Variants in NPIPB2 observed in about 807,000 individuals in gnomAD.
The protein encoded by NPIPB2 is nuclear pore complex-interacting protein family member B2.
NPIPB2 carries 27 observed loss-of-function variants against 30.8 expected under a neutral mutation model. The ratio of observed to expected loss-of-function variants is 0.88; its 90% CI spans 0.65 to 1.21. The LOEUF is 1.21. Ranked by LOEUF, NPIPB2 falls within the 50% of genes most tolerant of loss-of-function variation. The pLI is 0.00. For synonymous variants in NPIPB2, 147 were observed against 162.0 expected (o/e 0.91, Z 0.70); for missense variants, 440 against 446.2 (o/e 0.99, Z 0.13).
intron 1 of NPIPB2, among the ~76,000 whole-genome samples, chr16:11,960,401 C>G (rs1319065375): frequency 1.4e-5 from 2 of 146,078 alleles, no homozygotes; most frequent in East Asian, 2.0e-4. Flanking sequence ...GTCGCCCACG[C>G]TGGAGTGTGC....
chr16:11,966,338 A>T (rs764572619), intron 1 of NPIPB2: 1 of 1,610,944 alleles, frequency 6.2e-7, no homozygotes, highest in Non-Finnish European at 8.5e-7. Flanking sequence ...GTTTAAAAAC[A>T]CAGGTTGGTT....
At chr16:11,952,273 G>C (rs912921767) in intron 1 of NPIPB2, among the ~76,000 whole-genome samples, 3 of 151,762 alleles carry the variant, frequency 2.0e-5, no homozygotes, top group African/African-American at 7.3e-5. Flanking sequence ...GTGTGAACCG[G>C]GGAGGTGGAG....
intron 4 of NPIPB2, among the ~76,000 whole-genome samples, chr16:11,931,867 G>A (rs940229993): frequency 1.3e-5 from 2 of 152,152 alleles, no homozygotes; most frequent in Admixed American, 1.3e-4. Flanking sequence ...GGAAACCCAG[G>A]ACGAAAGTCA....
At chr16:11,967,044 A>G in intron 1 of NPIPB2, 1 of 209,012 alleles carries the variant, frequency 4.8e-6, no homozygotes, top group Non-Finnish European at 9.8e-6. Flanking sequence ...TCTGTGGCCC[A>G]GGCTGGAGTG....
intron 1 of NPIPB2, among the ~76,000 whole-genome samples, chr16:11,938,834 C>T (rs1160116903): frequency 4.9e-4 from 75 of 152,102 alleles, no homozygotes; most frequent in African/African-American, 1.7e-3. Context: ...CTGCAACCTC[C>T]GCCTCCCGGG....
At chr16:11,942,820 A>G (rs1178057933), upstream of NPIPB2, among the ~76,000 whole-genome samples, 1 of 151,830 alleles carries the variant, frequency 6.6e-6, no homozygotes, top group Non-Finnish European at 1.5e-5. Context: ...CCTCAGCTAA[A>G]CTTCCCACAG....
chr16:11,965,175 A>T lies in NPIPB2; in HGVS notation c.-584+11393T>A, dbSNP rs3743591. 240 of 904,978 alleles carry T rather than the reference A, an allele frequency of 2.7e-4. 1 individual carries two copies. The highest frequency in any genetic ancestry group is 4.5e-4 in the South Asian group (27 of 60,570). The allele number at this position is 904,978 out of a possible 1,614,324, so 56.1% of individuals were successfully genotyped here. ...CCTTAGCTGCCGCGAAGACACAGAC[A>T]GCCCCCGTAAGAACCCACGAAGCAG... On this transcript the variant is annotated intron_variant, in intron 1 of 5. Transcript: ENST00000538896.
At chr16:11,938,017 C>A (rs1027158546) in intron 1 of NPIPB2, among the ~76,000 whole-genome samples, 3 of 152,140 alleles carry the variant, frequency 2.0e-5, no homozygotes, top group Admixed American at 1.3e-4. Flanking sequence ...CTAAAAAAAA[C>A]CTCTTTTTGT....
chr16:11,971,289 C>A (rs1259772933), intron 1 of NPIPB2, among the ~76,000 whole-genome samples: 1 of 152,100 alleles, frequency 6.6e-6, no homozygotes, highest in Non-Finnish European at 1.5e-5. Flanking sequence ...ATGACACAGC[C>A]CTCAGGAGAT....
At chr16:11,950,811 C>T (rs1043847885) in intron 1 of NPIPB2, among the ~76,000 whole-genome samples, 1 of 152,048 alleles carries the variant, frequency 6.6e-6, no homozygotes, top group African/African-American at 2.4e-5. Flanking sequence ...AACAAAAGTT[C>T]TCTTTCTTCG....
At chr16:11,948,892 C>G (rs556853765) in intron 1 of NPIPB2, among the ~76,000 whole-genome samples, 2 of 151,412 alleles carry the variant, frequency 1.3e-5, no homozygotes, top group Admixed American at 1.3e-4. Context: ...AATCCTAGCA[C>G]TTCGGGAGGC....
At chr16:11,969,168 C>T (rs549916344) in intron 1 of NPIPB2, among the ~76,000 whole-genome samples, 1 of 151,984 alleles carries the variant, frequency 6.6e-6, no homozygotes, top group East Asian at 1.9e-4. Flanking sequence ...CGCCCGGCCC[C>T]AGTCATACGC....
At chr16:11,931,534 C>G (rs1335680047) in intron 4 of NPIPB2, among the ~76,000 whole-genome samples, 4 of 152,204 alleles carry the variant, frequency 2.6e-5, no homozygotes, top group East Asian at 1.9e-4. Flanking sequence ...TGGCCTCAAA[C>G]AAGGTGTGTG....
At chr16:11,943,079 T>A (rs919663665), upstream of NPIPB2, among the ~76,000 whole-genome samples, 1 of 152,080 alleles carries the variant, frequency 6.6e-6, no homozygotes, top group African/African-American at 2.4e-5. Flanking sequence ...CCCAGCACTT[T>A]GGGAGGCCGA....
upstream of NPIPB2, among the ~76,000 whole-genome samples, chr16:11,943,265 G>A (rs1002253940): frequency 6.6e-6 from 1 of 152,220 alleles, no homozygotes; most frequent in Non-Finnish European, 1.5e-5. Context: ...TTTGCAGTGA[G>A]CCGAGATTGC....
At position 11,934,688 on chromosome 16, in the gene NPIPB2, G is replaced by A. The variant is rs535306210; in HGVS notation, c.193-764C>T. Among the ~76,000 whole-genome samples, 37 of 151,064 alleles carry A rather than the reference G, an allele frequency of 2.4e-4. 1 individual carries two copies. The South Asian group carries it at 4.6e-3, about 19-fold the overall frequency. The stretch of plus-strand genomic sequence containing the variant: ...ATCTTGGGCAACATGGTGAAACCCC[G>A]TCTCTACTAAAAATACAAAAATTAG... On this transcript the variant is annotated intron_variant, in intron 2 of 7. Transcript: ENST00000399147.
intron 1 of NPIPB2, chr16:11,965,525 G>A: frequency 6.7e-7 from 1 of 1,483,154 alleles, no homozygotes; most frequent in South Asian, 1.3e-5. Flanking sequence ...CTTATTCAGA[G>A]AATCAACATA....
chr16:11,957,172 T>A, intron 1 of NPIPB2, among the ~76,000 whole-genome samples: 1 of 149,092 alleles, frequency 6.7e-6, no homozygotes, highest in Middle Eastern at 3.5e-3. Flanking sequence ...TTTCTTTTTT[T>A]TTTTTTTTTT....
intron 1 of NPIPB2, among the ~76,000 whole-genome samples, chr16:11,973,147 C>G (rs1264556725): frequency 2.7e-5 from 2 of 73,116 alleles, no homozygotes; most frequent in East Asian, 9.5e-4. Flanking sequence ...GCCTGGGCAA[C>G]AAGAGTGAAA....
Sources: gnomAD v4.1 joint callset for allele counts (sites outside exome capture counted in the v4.1 genomes callset) on GRCh38, gnomAD v4.1.1 for gene constraint, MANE v1.5 for transcripts, NCBI Gene and HGNC (gene_info 2026-07-23, HGNC 2026-07-21) for gene names.